The following EFEMP1 variants were observed in gnomAD, a reference collection of about 807,000 sequenced individuals.
EFEMP1 encodes EGF-like fibulin extracellular matrix protein 1.
A neutral mutation model predicts 65.7 loss-of-function variants in EFEMP1; 18 were observed. The observed-to-expected ratio is 0.27, with a 90% confidence interval of 0.19 to 0.41. EFEMP1 has a LOEUF of 0.41. Among genes scored for constraint, EFEMP1 ranks in the 10% least tolerant of loss-of-function variants. The pLI, the probability that EFEMP1 is intolerant of heterozygous loss-of-function variation, is 1.00. For missense variants in EFEMP1, 469 were observed against 624.8 expected, an observed-to-expected ratio of 0.75 and a Z score of 2.66; for synonymous variants, 237 against 219.7, an observed-to-expected ratio of 1.08 and a Z score of -0.70.
intron 5 of EFEMP1, among the ~76,000 whole-genome samples, chr2:55,904,215 G>A (rs1036196450): frequency 6.6e-6 from 1 of 152,182 alleles, no homozygotes; most frequent in Non-Finnish European, 1.5e-5. Context: ...ACTGAAACTT[G>A]AGATTTGCAG....
chr2:55,874,438 G>A (rs1668943407), intron 9 of EFEMP1, among the ~76,000 whole-genome samples: 1 of 151,880 alleles, frequency 6.6e-6, no homozygotes. Flanking sequence ...TGGACCCAAG[G>A]TCATTAGCTA....
chr2:55,918,247 C>G lies in EFEMP1; in HGVS notation c.102G>C (p.Glu34Asp), dbSNP rs1572851543. Residue 34 changes from glutamate to aspartate, a missense_variant, in exon 4 of 12, where the codon GAG becomes GAC. Glu to Asp is a conservative substitution (Grantham distance 45). Coordinates refer to ENST00000355426, the MANE Select transcript of EFEMP1 (RefSeq NM_001039348.3). ...ITYTQCTDGY[E>D]WDPVRQQCKD... The stretch of plus-strand genomic sequence containing the variant: ...TGCATTGCTGTCTCACAGGATCCCA[C>G]TCATATCCGTCAGTGCATTGCTGTG... 1 of 1,614,184 alleles carries G rather than the reference C, an allele frequency of 6.2e-7. No homozygotes were observed. Among genetic ancestry groups the G allele is most frequent in the Non-Finnish European group, 8.5e-7 (1 of 1,180,038 alleles).
intron 5 of EFEMP1, among the ~76,000 whole-genome samples, chr2:55,891,662 A>G (rs534560784): frequency 1.6e-4 from 25 of 152,206 alleles, no homozygotes; most frequent in African/African-American, 5.3e-4. Flanking sequence ...AAAAGGTTTC[A>G]TTGTAAGTGG....
intron 3 of EFEMP1, among the ~76,000 whole-genome samples, chr2:55,920,042 G>T (rs945327720): frequency 6.6e-6 from 1 of 152,184 alleles, no homozygotes; most frequent in African/African-American, 2.4e-5. Flanking sequence ...ACAGTGACCT[G>T]CAGATCTCTC....
rs975186203 is a variant in EFEMP1, at chr2:55,923,399, G to A, written c.-49+312C>T. Among the ~76,000 whole-genome samples the A allele has an allele frequency of 2.6e-5, 4 of 152,268 alleles. No individual in the cohort carries two copies. The highest frequency in any genetic ancestry group is 6.5e-5 in the Admixed American group (1 of 15,298). On this transcript the variant is annotated intron_variant, in intron 1 of 11. Transcript: ENST00000355426. The surrounding 1 kb of genome is among the most constrained non-coding windows in gnomAD (Gnocchi z 5.3). ...TCTAACCAGCTCCTATGGAATCCAG[G>A]TGCGGCTTAAATCTCGCACACTGGT...
intron 5 of EFEMP1, among the ~76,000 whole-genome samples, chr2:55,894,244 A>G (rs1389294356): frequency 6.6e-6 from 1 of 152,156 alleles, no homozygotes; most frequent in African/African-American, 2.4e-5. Context: ...TATGAAAAAG[A>G]TATGAAAAAT....
intron 5 of EFEMP1, among the ~76,000 whole-genome samples, chr2:55,895,280 T>C (rs549329988): frequency 1.3e-4 from 20 of 152,340 alleles, no homozygotes; most frequent in African/African-American, 4.8e-4. Flanking sequence ...CACTGCCACA[T>C]AACAGATGGT....
intron 5 of EFEMP1, among the ~76,000 whole-genome samples, chr2:55,901,744 C>G (rs1193883890): frequency 1.3e-5 from 2 of 152,176 alleles, no homozygotes; most frequent in African/African-American, 4.8e-5. Flanking sequence ...TCTTGGCATT[C>G]ACACCAGGGG....
rs1029976417 is a variant in EFEMP1 at position 55,921,615 on chromosome 2, C to T, written c.81+745G>A. 8.5e-5 allele frequency among the ~76,000 whole-genome samples: 13 copies of T among 152,194 alleles called. No individual in the cohort carries two copies. The stretch of plus-strand genomic sequence containing the variant: ...CAGAAGTGAAGTCAGTACTGTCCTT[C>T]TCTGTTCTCACCACAACTATTTGTA... On this transcript the variant is annotated intron_variant, in intron 3 of 11. Coordinates refer to ENST00000355426, the MANE Select transcript of EFEMP1 (RefSeq NM_001039348.3). This position sits in a 1 kb window ranked among gnomAD's most constrained non-coding sequence, Gnocchi z 4.1.
intron 5 of EFEMP1, among the ~76,000 whole-genome samples, chr2:55,914,410 T>C (rs147550227): frequency 6.6e-6 from 1 of 152,156 alleles, no homozygotes; most frequent in Non-Finnish European, 1.5e-5. Context: ...CAAAAATACA[T>C]GAAGGGGAAT....
At position 55,917,632 on chromosome 2, in the gene EFEMP1, C is replaced by T. The variant is rs749541858; in HGVS notation, c.517+33G>A. ...ACCACGAGGTGCACTTGGGCAAAAG[C>T]TTTCAATGGTTAGGAAAATAAGTTA... On this transcript the variant is annotated intron_variant, in intron 5 of 11. Coordinates refer to ENST00000355426, the MANE Select transcript of EFEMP1 (RefSeq NM_001039348.3). The surrounding 1 kb of genome is among the most constrained non-coding windows in gnomAD (Gnocchi z 6.3). The T allele has an allele frequency of 1.9e-6, 3 of 1,613,854 alleles. No homozygotes were observed. Among genetic ancestry groups the T allele is most frequent in the Non-Finnish European group, 8.5e-7 (1 of 1,179,916 alleles).
chr2:55,911,345 A>G (rs551982472), intron 5 of EFEMP1, among the ~76,000 whole-genome samples: 29 of 152,200 alleles, frequency 1.9e-4, no homozygotes, highest in African/African-American at 6.7e-4. Flanking sequence ...CCCATATCCC[A>G]TGTGAAGTAT....
intron 11 of EFEMP1, among the ~76,000 whole-genome samples, chr2:55,868,081 A>G (rs1668655023): frequency 6.6e-6 from 1 of 152,148 alleles, no homozygotes; most frequent in African/African-American, 2.4e-5. Flanking sequence ...GCAGCAGTCA[A>G]CATCTTTCTG....
intron 5 of EFEMP1, among the ~76,000 whole-genome samples, chr2:55,890,113 A>T (rs2104406412): frequency 6.6e-6 from 1 of 152,168 alleles, no homozygotes; most frequent in African/African-American, 2.4e-5. Context: ...GGACACAGAG[A>T]TTAAAATAAA....
chr2:55,923,015 G>A lies in EFEMP1; in HGVS notation c.-48-76C>T. On this transcript the variant is annotated intron_variant, in intron 1 of 11. Coordinates refer to ENST00000355426, the MANE Select transcript of EFEMP1 (RefSeq NM_001039348.3). This position sits in a 1 kb window ranked among gnomAD's most constrained non-coding sequence, Gnocchi z 5.3. ...AAAATAACAAAACAAAACTCGGAGAGCAATCTTCCAGTTCTAGTAGAATAC... is the reference window on the plus strand; with the variant it reads ...AAAATAACAAAACAAAACTCGGAGAACAATCTTCCAGTTCTAGTAGAATAC... 2 of 967,490 alleles carry A rather than the reference G, an allele frequency of 2.1e-6. No individual in the cohort carries two copies. Among genetic ancestry groups the A allele is most frequent in the Non-Finnish European group, 2.5e-6 (2 of 806,316 alleles). 59.9% of individuals were successfully genotyped at this position (967,490 alleles called of 1,614,324 possible).
At position 55,919,236 on chromosome 2, in the gene EFEMP1, G is replaced by T. The variant is rs189521770; in HGVS notation, c.82-969C>A. On this transcript the variant is annotated intron_variant, in intron 3 of 11. Coordinates refer to ENST00000355426, the MANE Select transcript of EFEMP1 (RefSeq NM_001039348.3). This position sits in a 1 kb window ranked among gnomAD's most constrained non-coding sequence, Gnocchi z 4.5. ...AGGATGAGGTTACAGAGGTAGGCAG[G>T]GCCAAAACAAGAAAGCCTTTCTTTA... is the stretch of plus-strand genomic sequence containing the variant. 2.4e-4 allele frequency among the ~76,000 whole-genome samples: 36 copies of T among 152,254 alleles called. No homozygotes were observed. Among genetic ancestry groups the T allele is most frequent in the African/African-American group, 8.4e-4 (35 of 41,546 alleles).
rs796710301 is a variant in EFEMP1 at position 55,886,503 on chromosome 2, C to A, written c.518-4769G>T. Among the ~76,000 whole-genome samples the A allele has an allele frequency of 3.9e-5, 6 of 152,156 alleles. No homozygotes were observed. In the South Asian group the frequency reaches 1.2e-3, roughly 32 times the overall value. On this transcript the variant is annotated intron_variant, in intron 5 of 11. Coordinates refer to ENST00000355426, the MANE Select transcript of EFEMP1 (RefSeq NM_001039348.3). The surrounding 1 kb of genome is among the most constrained non-coding windows in gnomAD (Gnocchi z 4.0). ...GGATTTAAAACCTTATTATACCTAG[C>A]TTCCTCAATCAAACTGATTTAATCT...
rs184503723 is a variant in EFEMP1 at position 55,881,729 on chromosome 2, C to T, written c.523G>A (p.Asp175Asn). 15 of 1,613,888 alleles carry T rather than the reference C, an allele frequency of 9.3e-6. No homozygotes were observed. The East Asian group carries it at 2.7e-4, about 29-fold the overall frequency. The stretch of plus-strand genomic sequence containing the variant: ...TTGTGCGTCCCTGCAGTGCACTCGT[C>T]TATGTCTGTCAGAGACATGCAACAC... The part of the protein sequence containing the change: ...QSEHNVCQDI[D>N]ECTAGTHNCR... The change falls in exon 6 of 12, where the codon GAC becomes AAC. Residue 175 changes from aspartate (D) to asparagine (N), a missense_variant. Physicochemically the swap from Asp to Asn is conservative, Grantham distance 23. Around this residue, in one of 3 missense-constraint regions of EFEMP1, gnomAD observed 399 missense variants for 528.2 expected, o/e 0.76. Coordinates refer to ENST00000355426, the MANE Select transcript of EFEMP1 (RefSeq NM_001039348.3).
At position 55,922,494 on chromosome 2, in the gene EFEMP1, G is replaced by T. The variant is rs1558493294; in HGVS notation, c.-7-47C>A. On this transcript the variant is annotated intron_variant, in intron 2 of 11. Transcript: ENST00000355426. The surrounding 1 kb of genome is among the most constrained non-coding windows in gnomAD (Gnocchi z 5.5). ...ACTAATGTTTAGTATCTGCTGCGGG[G>T]AAAGTAACAAAACTTTAGCAGTGAG... 8 of 1,561,540 alleles carry T rather than the reference G, an allele frequency of 5.1e-6. No homozygotes were observed. Among genetic ancestry groups the T allele is most frequent in the Non-Finnish European group, 7.1e-6 (8 of 1,134,452 alleles).
Sources: gnomAD v4.1 joint callset for allele counts (sites outside exome capture counted in the v4.1 genomes callset) on GRCh38, gnomAD v4.1.1 for gene constraint, gnomAD v4.1.1 regional missense constraint, Gnocchi (gnomAD v3.1) non-coding constraint, MANE v1.5 for transcripts, NCBI Gene and HGNC (gene_info 2026-07-23, HGNC 2026-07-21) for gene names.